Variants in TMEM51 observed in about 807,000 individuals in gnomAD.
TMEM51 encodes transmembrane protein 51.
Under a neutral mutation model 13.6 loss-of-function variants are expected in TMEM51, and 8 were observed. The ratio of observed to expected loss-of-function variants is 0.59; its 90% CI spans 0.35 to 1.07. The LOEUF (loss-of-function observed/expected upper bound fraction) is 1.07. Ranked by LOEUF, TMEM51 falls within the 50% of genes least tolerant of loss-of-function variation. The pLI is 0.02. For missense variants in TMEM51, 279 were observed against 330.7 expected, an observed-to-expected ratio of 0.84 and a Z score of 1.21; for synonymous variants, 147 against 144.4, an observed-to-expected ratio of 1.02 and a Z score of -0.13.
chr1:15,154,108 G>GACTCCGC (rs1380173085), intron 1 of TMEM51, among the ~76,000 whole-genome samples, 154 bp downstream of exon 1: 1 of 152,148 alleles, frequency 6.6e-6, no homozygotes, highest in East Asian at 2.0e-4. Context: ...CCACCGGGAG[G>GACTCCGC]ACTCCGCACC....
At chr1:15,179,802 G>A (rs1643559390) in intron 1 of TMEM51, among the ~76,000 whole-genome samples, 1 of 152,066 alleles carries the variant, frequency 6.6e-6, no homozygotes, top group Non-Finnish European at 1.5e-5. Context: ...ACAAACAAAT[G>A]CAAAACCTTC....
chr1:15,197,540 G>T (rs530698894), intron 1 of TMEM51, among the ~76,000 whole-genome samples: 3 of 152,218 alleles, frequency 2.0e-5, no homozygotes, highest in African/African-American at 7.2e-5. Flanking sequence ...CCCTGCTTCT[G>T]GCTGAGGCTC....
At chr1:15,155,960 G>A (rs1479184624) in intron 1 of TMEM51, among the ~76,000 whole-genome samples, 1 of 152,180 alleles carries the variant, frequency 6.6e-6, no homozygotes, top group African/African-American at 2.4e-5. Flanking sequence ...TCCTAGAGAA[G>A]ACTCCTAGGA....
intron 1 of TMEM51, among the ~76,000 whole-genome samples, chr1:15,205,021 A>G (rs147098367): frequency 2.8e-3 from 430 of 152,258 alleles, no homozygotes; most frequent in African/African-American, 9.8e-3. Context: ...ATCCTGGCAG[A>G]GGAAGTCTCT....
intron 1 of TMEM51, among the ~76,000 whole-genome samples, chr1:15,182,353 A>G (rs1016507286): frequency 2.0e-5 from 3 of 152,160 alleles, no homozygotes; most frequent in African/African-American, 7.2e-5. Flanking sequence ...TAAAATGGAC[A>G]TAGCCATGGC....
intron 3 of TMEM51, among the ~76,000 whole-genome samples, chr1:15,217,265 G>T (rs1251680054): frequency 2.0e-5 from 3 of 152,106 alleles, no homozygotes; most frequent in African/African-American, 7.2e-5. Context: ...CCCTTTCCAT[G>T]GTAATGACCT....
At chr1:15,164,601 G>T in intron 1 of TMEM51, 1 of 381,730 alleles carries the variant, frequency 2.6e-6, no homozygotes, top group Non-Finnish European at 5.3e-6. Flanking sequence ...AGTTACTACA[G>T]CCCCTTTTTG....
chr1:15,189,987 C>T (rs1643894551), intron 1 of TMEM51, among the ~76,000 whole-genome samples: 1 of 152,208 alleles, frequency 6.6e-6, no homozygotes, highest in African/African-American at 2.4e-5. Context: ...CTACTGACGG[C>T]CTGGGACAAC....
chr1:15,215,223 C>A lies in TMEM51; in HGVS notation c.136C>A (p.Gln46Lys). ...CAGCGCGGCCGAGAAGCCAACAGCTCAGGGCAGCAACAAGACCGAGGTGGG... is the reference window on the plus strand; with the variant it reads ...CAGCGCGGCCGAGAAGCCAACAGCTAAGGGCAGCAACAAGACCGAGGTGGG... ...GFSAAEKPTA[Q>K]GSNKTEVGGG... Residue 46 changes from glutamine to lysine, a missense_variant, in exon 3 of 4, where the codon CAG becomes AAG. Transcript: ENST00000376008. 2 of 1,614,220 alleles carry A rather than the reference C, an allele frequency of 1.2e-6. No individual in the cohort carries two copies. The highest frequency in any genetic ancestry group is 1.7e-6 in the Non-Finnish European group (2 of 1,180,040).
At chr1:15,204,776 C>T (rs376759051) in intron 1 of TMEM51, among the ~76,000 whole-genome samples, 1 of 152,062 alleles carries the variant, frequency 6.6e-6, no homozygotes, top group African/African-American at 2.4e-5. Context: ...GATAAATGAG[C>T]TAAATTGTGT....
At chr1:15,175,806 T>G (rs1193322102) in intron 1 of TMEM51, among the ~76,000 whole-genome samples, 1 of 152,208 alleles carries the variant, frequency 6.6e-6, no homozygotes, top group Admixed American at 6.5e-5. Context: ...CATGATTCAG[T>G]TATCTTCACC....
intron 1 of TMEM51, among the ~76,000 whole-genome samples, chr1:15,168,240 C>T (rs1242226886): frequency 3.3e-5 from 5 of 152,202 alleles, no homozygotes; most frequent in Non-Finnish European, 7.3e-5. Flanking sequence ...GACCCACTAA[C>T]CACCTGAAAT....
rs530029179 is a variant in TMEM51 at position 15,166,631 on chromosome 1, A to AC, written c.-267+12681dup. Among the ~76,000 whole-genome samples, 1,053 of 152,104 alleles carry AC rather than the reference A, an allele frequency of 6.9e-3. 15 individuals are homozygous for AC. Among genetic ancestry groups the AC allele is most frequent in the Middle Eastern group, 0.048 (14 of 294 alleles). On this transcript the variant is annotated intron_variant, in intron 1 of 3. Coordinates refer to ENST00000376008, the MANE Select transcript of TMEM51 (RefSeq NM_001136218.2). ...ATACTCAGGAGGCTAAGGCAGGAGA[A>AC]CCCCTTGAACCCAGGAGGCGGAGGT...
At chr1:15,203,928 G>C (rs1644204299) in intron 1 of TMEM51, among the ~76,000 whole-genome samples, 1 of 152,190 alleles carries the variant, frequency 6.6e-6, no homozygotes, top group Non-Finnish European at 1.5e-5. Flanking sequence ...CTCTGATCTG[G>C]AGCCCAGGCT....
intron 3 of TMEM51, among the ~76,000 whole-genome samples, chr1:15,218,005 A>G (rs1279360604): frequency 2.0e-5 from 3 of 152,206 alleles, no homozygotes; most frequent in Non-Finnish European, 4.4e-5. Flanking sequence ...AGCACATTTG[A>G]GTTCATTCCT....
chr1:15,192,426 C>CT, intron 1 of TMEM51: 2 of 256,046 alleles, frequency 7.8e-6, no homozygotes, highest in Admixed American at 7.1e-5. Context: ...GGCAGTGCTA[C>CT]TTTTTTTCTT....
intron 1 of TMEM51, among the ~76,000 whole-genome samples, chr1:15,154,686 T>C (rs868656803): frequency 1.6e-4 from 25 of 152,290 alleles, no homozygotes; most frequent in African/African-American, 5.8e-4. Context: ...GCGCGCCTGG[T>C]CTGCATTACA....
chr1:15,211,845 T>C (rs1644345498), intron 2 of TMEM51, among the ~76,000 whole-genome samples: 2 of 122,100 alleles, frequency 1.6e-5, no homozygotes, highest in Admixed American at 9.6e-5. Context: ...CCCGGGATTT[T>C]TACATACGTG....
At position 15,215,013 on chromosome 1, in the gene TMEM51, G is replaced by T; in HGVS notation, c.-75G>T. 1 of 1,407,308 alleles carries T rather than the reference G, an allele frequency of 7.1e-7. No homozygotes were observed. The highest frequency in any genetic ancestry group is 9.6e-7 in the Non-Finnish European group (1 of 1,037,282). 87.2% of individuals were successfully genotyped at this position (1,407,308 alleles called of 1,614,324 possible). On this transcript the variant is annotated 5_prime_UTR_variant, in exon 3 of 4. Coordinates refer to ENST00000376008, the MANE Select transcript of TMEM51 (RefSeq NM_001136218.2). ...AGATTTTGTGGAGCGCATTTAAGGG[G>T]TTTTTGTTGTGACTGCTGCCTTGTA...
Sources: allele counts gnomAD v4.1 joint callset (sites outside exome capture counted in the v4.1 genomes callset), GRCh38; gene constraint gnomAD v4.1.1; transcripts MANE v1.5; gene names NCBI Gene and HGNC (gene_info 2026-07-23, HGNC 2026-07-21).